Variants in GCC2 observed in about 807,000 individuals in gnomAD.
GCC2 encodes GRIP and coiled-coil domain-containing protein 2.
In GCC2, 120 loss-of-function variants were observed where a neutral mutation model predicts 210.6. The ratio of observed to expected loss-of-function variants is 0.57; its 90% CI spans 0.49 to 0.66. The LOEUF (loss-of-function observed/expected upper bound fraction) is 0.66, where lower values mean the gene tolerates loss of function less well. Ranked by LOEUF, GCC2 falls within the 30% of genes least tolerant of loss-of-function variation. GCC2 has a pLI of 0.00. For synonymous variants in GCC2, 703 were observed against 652.7 expected, an observed-to-expected ratio of 1.08 and a Z score of -1.17; for missense variants, 1,868 against 1,871.9, an observed-to-expected ratio of 1.00 and a Z score of 0.04.
Position 108,470,649 on chromosome 2 carries a change from A to G in GCC2, c.1320A>G (p.Leu440=). The change falls in exon 6 of 23, where the codon CTA becomes CTG. Residue 440 remains leucine (L), a synonymous_variant. Transcript: ENST00000309863. ...AACATCAAAAAGAAATATCAGAACT[A>G]AATGAGACATTTTTGTCAGATTCAG... ...KEQHQKEISE[L]NETFLSDSEK... is the part of the protein sequence containing the mutation. 6.2e-7 allele frequency: 1 copy of G among 1,612,212 alleles called. No homozygotes were observed. Among genetic ancestry groups the G allele is most frequent in the Non-Finnish European group, 8.5e-7 (1 of 1,178,848 alleles).
In GCC2 at chr2:108,451,018, C is replaced by T. The variant is rs759490474; in HGVS notation, c.64-10C>T. ...TTATAACAAGTTGGTAACATGACCA[C>T]ATCTTTCAGCTGGAAACATTGCCCA... On this transcript the variant is annotated splice_polypyrimidine_tract_variant and intron_variant, in intron 2 of 22. Transcript: ENST00000309863. 2 of 1,593,102 alleles carry T rather than the reference C, an allele frequency of 1.3e-6. No individual in the cohort carries two copies. Among genetic ancestry groups the T allele is most frequent in the East Asian group, 2.2e-5 (1 of 44,732 alleles).
intron 16 of GCC2, 90 bp downstream of exon 16, chr2:108,486,738 A>G (rs1241616808): frequency 1.6e-6 from 2 of 1,242,144 alleles, no homozygotes; most frequent in Non-Finnish European, 2.2e-6. Flanking sequence ...CTGCCTTTTT[A>G]GTATTTTCCT....
intron 7 of GCC2, 126 bp downstream of exon 7, chr2:108,473,025 C>T (rs1002666660): frequency 3.6e-6 from 2 of 553,948 alleles, no homozygotes; most frequent in African/African-American, 2.0e-5. Flanking sequence ...CTGTCTTTTC[C>T]TCGAGCTCAC....
chr2:108,486,056 A>C, intron 15 of GCC2, 148 bp downstream of exon 15: 3 of 565,652 alleles, frequency 5.3e-6, no homozygotes. Flanking sequence ...CAAGTCTGGC[A>C]TATAACTGGA....
chr2:108,468,049 CATA>C (rs1307356771), intron 4 of GCC2, among the ~76,000 whole-genome samples: 1 of 144,504 alleles, frequency 6.9e-6, no homozygotes, highest in African/African-American at 2.6e-5. Flanking sequence ...AATAGTTATT[CATA>C]ATAATTTTCT....
intron 2 of GCC2, among the ~76,000 whole-genome samples, chr2:108,450,202 G>C (rs1296715024): frequency 6.6e-6 from 1 of 152,218 alleles, no homozygotes; most frequent in African/African-American, 2.4e-5. Flanking sequence ...TGATAACCAT[G>C]AGATAGGTAC....
intron 20 of GCC2, 29 bp downstream of exon 20, chr2:108,495,514 C>A: frequency 2.1e-6 from 3 of 1,454,284 alleles, no homozygotes; most frequent in South Asian, 1.2e-5. Context: ...ATATGTTTTT[C>A]TTATTTAATT....
At position 108,471,823 on chromosome 2, in the gene GCC2, T is replaced by C. The variant is rs780117635; in HGVS notation, c.2494T>C (p.Leu832=). 6.2e-7 allele frequency: 1 copy of C among 1,613,218 alleles called. No homozygotes were observed. Among genetic ancestry groups the C allele is most frequent in the Non-Finnish European group, 8.5e-7 (1 of 1,179,502 alleles). ...AGTTCAGTGTGAAGAACTTAAGTCT[T>C]TATTGAGAGACTATGAGCAAGAGAA... ...SVVQCEELKS[L]LRDYEQEKVL... is the part of the protein sequence containing the mutation. The change falls in exon 6 of 23, where the codon TTA becomes CTA. Residue 832 remains leucine, a synonymous_variant. Transcript: ENST00000309863.
At chr2:108,452,512 T>G (rs570910840) in intron 4 of GCC2, 46 bp downstream of exon 4, 200 of 1,132,852 alleles carry the variant, frequency 1.8e-4, no homozygotes, top group South Asian at 2.5e-4. Context: ...AAAATTTCCC[T>G]GAGGATTGTC....
At chr2:108,479,888 A>G (rs1473367172) in intron 9 of GCC2, among the ~76,000 whole-genome samples, 1 of 149,662 alleles carries the variant, frequency 6.7e-6, no homozygotes, top group Non-Finnish European at 1.5e-5. Context: ...AGGCTGAGGC[A>G]GGAGAATCAT....
At chr2:108,492,453 G>A in intron 18 of GCC2, 120 bp from the exon 19 acceptor site, 1 of 676,366 alleles carries the variant, frequency 1.5e-6, no homozygotes, top group Non-Finnish European at 2.7e-6. Flanking sequence ...TAGGAGAGAA[G>A]TTGATTCATA....
intron 5 of GCC2, 40 bp downstream of exon 5, chr2:108,469,124 A>G (rs768670565): frequency 8.4e-7 from 1 of 1,186,996 alleles, no homozygotes; most frequent in African/African-American, 1.5e-5. Context: ...TTTTATTAAC[A>G]TATAGTGTAG....
rs535578098 is a variant in GCC2, at chr2:108,501,192, G to A, written c.4984+1438G>A. Among the ~76,000 whole-genome samples, 131 of 151,974 alleles carry A rather than the reference G, an allele frequency of 8.6e-4. 1 individual carries two copies. The highest frequency in any genetic ancestry group is 2.6e-3 in the African/African-American group (107 of 41,438). On this transcript the variant is annotated intron_variant, in intron 22 of 22. Coordinates refer to ENST00000309863, the MANE Select transcript of GCC2 (RefSeq NM_181453.4). ...AGTAGAGACGAGGTTTCACCATGTT[G>A]GCCAGGATGGTCTCAATCTCCTGAC...
rs1475864400 is a variant in GCC2 at position 108,471,352 on chromosome 2, G to A, written c.2023G>A (p.Val675Ile). 6.2e-7 allele frequency: 1 copy of A among 1,611,020 alleles called. No homozygotes were observed. Among genetic ancestry groups the A allele is most frequent in the South Asian group, 1.1e-5 (1 of 90,264 alleles). Residue 675 changes from valine to isoleucine, a missense_variant, in exon 6 of 23, where the codon GTT becomes ATT. Val to Ile is a conservative substitution (Grantham distance 29). Around this residue, in one of 3 missense-constraint regions of GCC2, gnomAD observed 1,847 missense variants for 1,765.2 expected, o/e 1.05. Coordinates refer to ENST00000309863, the MANE Select transcript of GCC2 (RefSeq NM_181453.4). Reference sequence around the variant, plus strand: ...AGAAAAACTTATGGTTCAAATGAAAGTTCTCTCTGAAGACAAAGAAGTATT... The same window carrying A: ...AGAAAAACTTATGGTTCAAATGAAAATTCTCTCTGAAGACAAAGAAGTATT... ...KLEKLMVQMK[V>I]LSEDKEVLSA...
At position 108,489,889 on chromosome 2, in the gene GCC2, C is replaced by A; in HGVS notation, c.4104C>A (p.Ser1368Arg). The change falls in exon 18 of 23, where the codon AGC (serine) becomes AGA (arginine). Residue 1368 changes from serine (S) to arginine (R), a missense_variant. Ser to Arg is a moderately radical substitution (Grantham distance 110, BLOSUM62 -1). Around this residue, in one of 3 missense-constraint regions of GCC2, gnomAD observed 1,847 missense variants for 1,765.2 expected, o/e 1.05. Transcript: ENST00000309863. Reference protein sequence around the residue: ...IDQLKIKLQDSQNNLQINVSE... With the variant: ...IDQLKIKLQDRQNNLQINVSE... ...AGCTAAAAATCAAATTACAAGATAG[C>A]CAAAATAACTTACAGATTAATGTAT... is the stretch of plus-strand genomic sequence containing the variant. 2 of 1,608,368 alleles carry A rather than the reference C, an allele frequency of 1.2e-6. No individual in the cohort carries two copies. Among genetic ancestry groups the A allele is most frequent in the Non-Finnish European group, 1.7e-6 (2 of 1,177,096 alleles).
intron 5 of GCC2, 25 bp from the exon 6 acceptor site, chr2:108,469,626 T>C (rs761036599): frequency 5.3e-6 from 8 of 1,522,846 alleles, no homozygotes; most frequent in Non-Finnish European, 7.1e-6. Flanking sequence ...TTAAATAATT[T>C]ATGTGTGCTT....
chr2:108,480,059 G>A (rs1329449738), intron 9 of GCC2, among the ~76,000 whole-genome samples: 1 of 150,618 alleles, frequency 6.6e-6, no homozygotes, highest in Non-Finnish European at 1.5e-5. Context: ...GGACACAAGA[G>A]GTCCAGGTCC....
At chr2:108,462,897 A>AT (rs70956258) in intron 4 of GCC2, among the ~76,000 whole-genome samples, 1 of 149,366 alleles carries the variant, frequency 6.7e-6, no homozygotes, top group Non-Finnish European at 1.5e-5. Context: ...TTTTACCCTT[A>AT]TTTTTTTTTT....
At chr2:108,491,177 T>A (rs779316339) in intron 18 of GCC2, among the ~76,000 whole-genome samples, 4 of 152,204 alleles carry the variant, frequency 2.6e-5, no homozygotes, top group Non-Finnish European at 4.4e-5. Context: ...AGACTACAGT[T>A]AATATAAACA....
Sources: allele counts gnomAD v4.1 joint callset (sites outside exome capture counted in the v4.1 genomes callset), GRCh38; gene constraint gnomAD v4.1.1; regional missense constraint gnomAD v4.1.1; transcripts MANE v1.5; gene names NCBI Gene and HGNC (gene_info 2026-07-23, HGNC 2026-07-21).